The following TBC1D9B variants were observed in gnomAD, a reference collection of about 807,000 sequenced individuals.
TBC1D9B encodes the protein TBC1 domain family, member 9B (with GRAM domain).
TBC1D9B carries 87 observed loss-of-function variants against 121.1 expected under a neutral mutation model. The ratio of observed to expected loss-of-function variants is 0.72; its 90% CI spans 0.60 to 0.86. The LOEUF (loss-of-function observed/expected upper bound fraction) is 0.86. TBC1D9B is among the 40% of genes least tolerant of loss of function. TBC1D9B has a pLI of 0.00. For missense variants in TBC1D9B, 1,540 were observed against 1,628.6 expected (o/e 0.95, Z 0.94); for synonymous variants, 668 against 670.1 (o/e 1.00, Z 0.05).
intron 4 of TBC1D9B, among the ~76,000 whole-genome samples, chr5:179,894,176 C>G (rs1419956574): frequency 6.6e-6 from 1 of 152,170 alleles, no homozygotes; most frequent in African/African-American, 2.4e-5. Context: ...TGTAGAGAAC[C>G]CTACTAGCGA....
chr5:179,865,961 G>A lies in TBC1D9B; in HGVS notation c.2864-73C>T, dbSNP rs1759994653. 6.4e-7 allele frequency: 1 copy of A among 1,574,766 alleles called. No homozygotes were observed. Among genetic ancestry groups the A allele is most frequent in the Non-Finnish European group, 8.7e-7 (1 of 1,145,272 alleles). On this transcript the variant is annotated intron_variant, in intron 18 of 20. Transcript: ENST00000355235. This position sits in a 1 kb window ranked among gnomAD's most constrained non-coding sequence, Gnocchi z 5.1. The stretch of plus-strand genomic sequence containing the variant: ...GGGACTGCAAGCTCCTGGGGTCCTT[G>A]AGATGTAGTCTGTGTTTCTGTACAG...
Position 179,865,520 on chromosome 5 carries a change from G to GA in TBC1D9B, c.2915-161dup, listed in dbSNP as rs1759983527. ...AAGGTGGTCATGGGAAAAAAACCCA[G>GA]AACAGCCACAGGTTTTCCCTAAATT... On this transcript the variant is annotated intron_variant, in intron 19 of 20. Transcript: ENST00000355235. The surrounding 1 kb of genome is among the most constrained non-coding windows in gnomAD (Gnocchi z 5.1). The GA allele has an allele frequency of 1.5e-6, 1 of 687,886 alleles. No homozygotes were observed. Among genetic ancestry groups the GA allele is most frequent in the African/African-American group, 1.8e-5 (1 of 55,786 alleles). The allele number at this position is 687,886 out of a possible 1,614,324, so 42.6% of individuals were successfully genotyped here.
rs1250607272 is a variant in TBC1D9B, at chr5:179,907,192, G to A, written c.118+512C>T. Among the ~76,000 whole-genome samples, 1 of 152,182 alleles carries A rather than the reference G, an allele frequency of 6.6e-6. No homozygotes were observed. Among genetic ancestry groups the A allele is most frequent in the African/African-American group, 2.4e-5 (1 of 41,454 alleles). ...GGGGGAGGAGAAGCTGGGGGAATGGGGGTGCGGCCAGCTCCAGGGACCTCT... is the reference window on the plus strand; with the variant it reads ...GGGGGAGGAGAAGCTGGGGGAATGGAGGTGCGGCCAGCTCCAGGGACCTCT... On this transcript the variant is annotated intron_variant, in intron 1 of 20. Coordinates refer to ENST00000355235, the MANE Select transcript of TBC1D9B (RefSeq NM_015043.4). This position sits in a 1 kb window ranked among gnomAD's most constrained non-coding sequence, Gnocchi z 5.3.
chr5:179,897,806 T>C lies in TBC1D9B; in HGVS notation c.348+1383A>G, dbSNP rs1761060767. ...GCTTGCTTCTGCTCTCTCCACCTGT[T>C]TTCCTGGAGATAGAGGTAACCAGGT... On this transcript the variant is annotated intron_variant, in intron 3 of 20. Transcript: ENST00000355235. Among the ~76,000 whole-genome samples the C allele has an allele frequency of 2.6e-5, 4 of 152,206 alleles. No homozygotes were observed. The South Asian group carries it at 8.3e-4, about 32-fold the overall frequency.
intron 3 of TBC1D9B, among the ~76,000 whole-genome samples, chr5:179,895,505 G>A (rs755001957): frequency 6.6e-6 from 1 of 152,140 alleles, no homozygotes; most frequent in Non-Finnish European, 1.5e-5. Context: ...ACAAACCAGC[G>A]GCAGGACCTG....
In TBC1D9B at chr5:179,875,837, G is replaced by T; in HGVS notation, c.1900+83C>A. ...CTAGGGAACCCACGTGAAGCCTGGA[G>T]CTTGGCCTGGGAAGGGCTGCCACCC... On this transcript the variant is annotated intron_variant, in intron 11 of 20. Coordinates refer to ENST00000355235, the MANE Select transcript of TBC1D9B (RefSeq NM_015043.4). The surrounding 1 kb of genome is among the most constrained non-coding windows in gnomAD (Gnocchi z 4.5). 1.8e-6 allele frequency: 2 copies of T among 1,141,124 alleles called. No individual in the cohort carries two copies. Among genetic ancestry groups the T allele is most frequent in the Non-Finnish European group, 2.4e-6 (2 of 820,420 alleles). 70.7% of individuals were successfully genotyped at this position (1,141,124 alleles called of 1,614,324 possible).
intron 2 of TBC1D9B, 132 bp from the exon 3 acceptor site, chr5:179,899,439 T>C (rs1264467313): frequency 2.7e-6 from 2 of 750,558 alleles, no homozygotes; most frequent in Non-Finnish European, 4.5e-6. Context: ...CAAGCTGCTT[T>C]TCCCTCTTAA....
rs1427616217 is a variant in TBC1D9B at position 179,904,092 on chromosome 5, C to T, written c.229+610G>A. Reference sequence around the variant, plus strand: ...TGGAATCTTTGAATGAGGCCGACTACGTCTACCTTGAGAAAAGGTGGCATG... The same window carrying T: ...TGGAATCTTTGAATGAGGCCGACTATGTCTACCTTGAGAAAAGGTGGCATG... On this transcript the variant is annotated intron_variant, in intron 2 of 20. Coordinates refer to ENST00000355235, the MANE Select transcript of TBC1D9B (RefSeq NM_015043.4). This position sits in a 1 kb window ranked among gnomAD's most constrained non-coding sequence, Gnocchi z 4.2. Among the ~76,000 whole-genome samples the T allele has an allele frequency of 1.3e-5, 2 of 152,172 alleles. No individual in the cohort carries two copies. The highest frequency in any genetic ancestry group is 2.9e-5 in the Non-Finnish European group (2 of 68,026).
chr5:179,898,950 A>T (rs1582104263), intron 3 of TBC1D9B, among the ~76,000 whole-genome samples: 2 of 152,314 alleles, frequency 1.3e-5, no homozygotes, highest in South Asian at 4.1e-4. Context: ...CTTGGGTAGG[A>T]ATGGAAGCCC....
At chr5:179,894,196 A>G (rs1029458720) in intron 4 of TBC1D9B, among the ~76,000 whole-genome samples, 190 bp downstream of exon 4, 11 of 152,152 alleles carry the variant, frequency 7.2e-5, no homozygotes, top group Admixed American at 7.2e-4. Context: ...AGTGGGGGGC[A>G]TGGTAAAAGT....
intron 2 of TBC1D9B, 57 bp from the exon 3 acceptor site, chr5:179,899,364 C>T: frequency 1.4e-6 from 2 of 1,461,664 alleles, no homozygotes; most frequent in Non-Finnish European, 1.9e-6. Flanking sequence ...GCCTTAAACG[C>T]ACATTCAAAG....
At chr5:179,884,691 C>A (rs75889085) in intron 7 of TBC1D9B, among the ~76,000 whole-genome samples, 2,921 of 152,286 alleles carry the variant, frequency 0.019, 61 homozygotes, top group African/African-American at 0.06. Flanking sequence ...AAAAAGAAAT[C>A]TTGAGCACGC....
At position 179,863,949 on chromosome 5, in the gene TBC1D9B, GTCC is replaced by G. The variant is rs760657839; in HGVS notation, c.3198_3200del (p.Glu1066del). The G allele has an allele frequency of 4.6e-5, 75 of 1,613,804 alleles. 1 individual carries two copies. The South Asian group carries it at 7.7e-4, about 17-fold the overall frequency. ...GATGCAGTTCGGGTGCTGGTGGCTC[GTCC>G]TCCTCAGTGGCACAGTCCCTGGGCT... On this transcript the variant is annotated inframe_deletion, in exon 21 of 21. Transcript: ENST00000355235. This position sits in a 1 kb window ranked among gnomAD's most constrained non-coding sequence, Gnocchi z 4.5.
At chr5:179,892,421 G>A (rs997177672) in intron 5 of TBC1D9B, among the ~76,000 whole-genome samples, 5 of 152,248 alleles carry the variant, frequency 3.3e-5, no homozygotes, top group African/African-American at 4.8e-5. Context: ...GAATGAGGTC[G>A]CTCAACACAA....
intron 17 of TBC1D9B, 117 bp from the exon 18 acceptor site, chr5:179,867,966 C>T: frequency 2.2e-5 from 20 of 891,296 alleles, no homozygotes; most frequent in South Asian, 1.3e-4. Context: ...CCTGGCCAGT[C>T]CCAGCACCTG....
chr5:179,863,848 C>G lies in TBC1D9B; in HGVS notation c.3302G>C (p.Gly1101Ala). The change falls in exon 21 of 21, where the codon GGA becomes GCA. Residue 1101 changes from glycine (G) to alanine (A), a missense_variant. Physicochemically the swap from Gly to Ala is moderately conservative, Grantham distance 60. Transcript: ENST00000355235. This position sits in a 1 kb window ranked among gnomAD's most constrained non-coding sequence, Gnocchi z 4.5. ...CACCTGGCTCTCCTGTGGGGCTTTT[C>G]CGAGGTGTGTGTCTCCGCCTGCTTT... ...QAKAGGDTHL[G>A]KAPQESQVVV... is the part of the protein sequence containing the mutation. 1 of 1,613,376 alleles carries G rather than the reference C, an allele frequency of 6.2e-7. No individual in the cohort carries two copies. The highest frequency in any genetic ancestry group is 8.5e-7 in the Non-Finnish European group (1 of 1,179,736).
chr5:179,901,044 T>C (rs1316870175), intron 2 of TBC1D9B, among the ~76,000 whole-genome samples: 3 of 152,142 alleles, frequency 2.0e-5, no homozygotes, highest in Admixed American at 6.5e-5. Flanking sequence ...CTGATTTGTT[T>C]GCTTTGTCAA....
intron 7 of TBC1D9B, among the ~76,000 whole-genome samples, chr5:179,886,338 C>A (rs1760683644): frequency 6.6e-6 from 1 of 152,190 alleles, no homozygotes; most frequent in Non-Finnish European, 1.5e-5. Flanking sequence ...AACAGGAATG[C>A]AATAAAATGT....
intron 10 of TBC1D9B, 84 bp from the exon 11 acceptor site, chr5:179,876,121 C>A: frequency 1.8e-6 from 2 of 1,085,716 alleles, no homozygotes; most frequent in Non-Finnish European, 2.7e-6. Context: ...CCCAGCCACC[C>A]CTCCCTGCAA....
Sources: gnomAD v4.1 joint callset for allele counts (sites outside exome capture counted in the v4.1 genomes callset) on GRCh38, gnomAD v4.1.1 for gene constraint, Gnocchi (gnomAD v3.1) non-coding constraint, MANE v1.5 for transcripts, NCBI Gene and HGNC (gene_info 2026-07-23, HGNC 2026-07-21) for gene names.